Variants in KLF12 observed in about 807,000 individuals in gnomAD.
KLF12 encodes Krueppel-like factor 12.
KLF12 carries 9 observed loss-of-function variants against 37.8 expected under a neutral mutation model. The ratio of observed to expected loss-of-function variants is 0.24; its 90% CI spans 0.14 to 0.42. The LOEUF is 0.42. KLF12 is among the 10% of genes least tolerant of loss of function. KLF12 has a pLI of 1.00. For missense variants in KLF12, 411 were observed against 516.0 expected (o/e 0.80, Z 1.97); for synonymous variants, 208 against 202.1 (o/e 1.03, Z -0.25).
At chr13:74,032,944 C>T (rs1376119431) in intron 1 of KLF12, among the ~76,000 whole-genome samples, 1 of 152,048 alleles carries the variant, frequency 6.6e-6, no homozygotes, top group Admixed American at 6.6e-5. Context: ...TTTAAAACTC[C>T]ATTTCTCTGT....
intron 5 of KLF12, among the ~76,000 whole-genome samples, chr13:73,784,792 G>C (rs1456872401): frequency 6.6e-6 from 1 of 151,752 alleles, no homozygotes; most frequent in South Asian, 2.1e-4. Context: ...CACCATGCCC[G>C]GCTAGTTTTT....
the KLF12 span, among the ~76,000 whole-genome samples, chr13:74,164,614 G>A: frequency 3.9e-5 from 6 of 152,184 alleles, no homozygotes; most frequent in African/African-American, 1.4e-4. Flanking sequence ...GAAGATCATA[G>A]GTTCAAGGCC....
At chr13:73,897,989 C>T (rs112203988) in intron 3 of KLF12, among the ~76,000 whole-genome samples, 1 of 152,182 alleles carries the variant, frequency 6.6e-6, no homozygotes, top group Non-Finnish European at 1.5e-5. Flanking sequence ...CAAGATTCTA[C>T]ATTCTCTGTT....
In KLF12 at chr13:73,845,973, A is replaced by AAAC. The variant is rs772385808; in HGVS notation, c.523_524insGTT (p.Asn174_Leu175insCys). On this transcript the variant is annotated inframe_insertion, in exon 4 of 8. Transcript: ENST00000377669. Reference sequence around the variant, plus strand: ...AACATGACTCAGTTTGTTAGACTGTAAATTCATGGGACTTGAAGGCGGTAC... The same window carrying AAAC: ...AACATGACTCAGTTTGTTAGACTGTAAACAATTCATGGGACTTGAAGGCGGTAC... 3.7e-6 allele frequency: 6 copies of AAAC among 1,614,074 alleles called. No homozygotes were observed. In the Admixed American group the frequency reaches 1.0e-4, roughly 27 times the overall value.
chr13:74,053,758 G>T (rs930049760), intron 1 of KLF12, among the ~76,000 whole-genome samples: 5 of 152,184 alleles, frequency 3.3e-5, no homozygotes, highest in Non-Finnish European at 7.3e-5. Flanking sequence ...TCTTGGACTA[G>T]AAATGTTTTT....
At chr13:73,921,263 T>A (rs1269436688) in intron 3 of KLF12, among the ~76,000 whole-genome samples, 6 of 152,146 alleles carry the variant, frequency 3.9e-5, no homozygotes, top group Admixed American at 3.9e-4. Flanking sequence ...ACTTGTACAC[T>A]TTTTCTCCTG....
intron 3 of KLF12, among the ~76,000 whole-genome samples, chr13:73,899,109 T>C (rs1270158567): frequency 1.3e-5 from 2 of 152,162 alleles, no homozygotes; most frequent in East Asian, 3.9e-4. Context: ...GGCCCCCCAG[T>C]TGGGGCCACC....
At chr13:73,901,464 C>G (rs1392440206) in intron 3 of KLF12, among the ~76,000 whole-genome samples, 1 of 152,046 alleles carries the variant, frequency 6.6e-6, no homozygotes, top group Non-Finnish European at 1.5e-5. Flanking sequence ...CATTAGCCTC[C>G]TATTAAGGGT....
chr13:73,943,798 A>T (rs1195194369), intron 3 of KLF12, among the ~76,000 whole-genome samples, 183 bp downstream of exon 3: 1 of 152,234 alleles, frequency 6.6e-6, no homozygotes, highest in African/African-American at 2.4e-5. Context: ...CCAAGGAAAT[A>T]ATAGTTGAAG....
intron 3 of KLF12, among the ~76,000 whole-genome samples, chr13:73,940,474 C>T (rs570803971): frequency 2.6e-5 from 4 of 152,278 alleles, no homozygotes; most frequent in Admixed American, 2.0e-4. Flanking sequence ...GCTACCACAC[C>T]TATCCGGTTC....
intron 1 of KLF12, among the ~76,000 whole-genome samples, chr13:74,062,714 T>C (rs769427773): frequency 6.6e-6 from 1 of 152,234 alleles, no homozygotes; most frequent in Non-Finnish European, 1.5e-5. Flanking sequence ...TTGTAATCTC[T>C]TACAGAGCTG....
rs10568862 is a variant in KLF12, at chr13:73,746,068, C to CA, written c.869+18869dup. Among the ~76,000 whole-genome samples the CA allele has an allele frequency of 8.6e-3, 1,125 of 130,894 alleles. 27 individuals carry two copies. The East Asian group carries it at 0.11, about 12-fold the overall frequency. 85.9% of individuals were successfully genotyped at this position (130,894 alleles called of 152,430 possible). On this transcript the variant is annotated intron_variant, in intron 6 of 7. Coordinates refer to ENST00000377669, the MANE Select transcript of KLF12 (RefSeq NM_007249.5). ...GGTAAAGATCTACAAAGGAAACCACCAAAAAAAAAAAAAAACTGTGCATTG... is the reference window on the plus strand; with the variant it reads ...GGTAAAGATCTACAAAGGAAACCACCAAAAAAAAAAAAAAAACTGTGCATTG...
chr13:73,991,966 G>C (rs183272617), intron 2 of KLF12, among the ~76,000 whole-genome samples: 7 of 152,330 alleles, frequency 4.6e-5, no homozygotes, highest in African/African-American at 1.4e-4. Context: ...AGAAAGGCTT[G>C]CTCTTGTTCT....
At position 73,862,879 on chromosome 13, in the gene KLF12, C is replaced by T. The variant is rs144334073; in HGVS notation, c.124-16506G>A. ...TTTTAAATAATTCCTGTGATAAAAT[C>T]CCAAATTAATTATTAAGTAAATTAG... On this transcript the variant is annotated intron_variant, in intron 3 of 7. Transcript: ENST00000377669. Among the ~76,000 whole-genome samples the T allele has an allele frequency of 3.0e-3, 454 of 152,188 alleles. 1 individual carries two copies. The highest frequency in any genetic ancestry group is 0.01 in the African/African-American group (426 of 41,532).
At chr13:73,844,224 A>C (rs1225567198) in intron 4 of KLF12, among the ~76,000 whole-genome samples, 2 of 152,200 alleles carry the variant, frequency 1.3e-5, no homozygotes, top group Non-Finnish European at 2.9e-5. Flanking sequence ...TTAATTTCGA[A>C]TTCTTAAAAC....
chr13:74,214,357 C>T, the KLF12 span, among the ~76,000 whole-genome samples: 12 of 151,960 alleles, frequency 7.9e-5, no homozygotes, highest in Admixed American at 7.9e-4. Context: ...CTGAGCTTCT[C>T]CTCTCCTCTG....
the KLF12 span, among the ~76,000 whole-genome samples, chr13:74,161,037 A>G: frequency 6.6e-6 from 1 of 150,906 alleles, no homozygotes; most frequent in African/African-American, 2.4e-5. Flanking sequence ...GATTGAGAAC[A>G]CGGAGATTGG....
At chr13:73,890,925 T>A (rs1887476303) in intron 3 of KLF12, among the ~76,000 whole-genome samples, 1 of 152,134 alleles carries the variant, frequency 6.6e-6, no homozygotes, top group African/African-American at 2.4e-5. Context: ...GTATTGGCAT[T>A]CTAAAATTGC....
intron 1 of KLF12, among the ~76,000 whole-genome samples, chr13:74,065,502 G>C (rs1873863600): frequency 6.6e-6 from 1 of 152,092 alleles, no homozygotes; most frequent in Non-Finnish European, 1.5e-5. Flanking sequence ...TCATGATGCA[G>C]AAATTCAGTG....
Sources: allele counts gnomAD v4.1 joint callset (sites outside exome capture counted in the v4.1 genomes callset), GRCh38; gene constraint gnomAD v4.1.1; transcripts MANE v1.5; gene names NCBI Gene and HGNC (gene_info 2026-07-23, HGNC 2026-07-21).